OSBPL6: variants seen among roughly 807,000 people sequenced by gnomAD.
OSBPL6 encodes oxysterol binding protein like 6.
Under a neutral mutation model 125.8 loss-of-function variants are expected in OSBPL6, and 49 were observed. That is an observed-to-expected ratio of 0.39 (90% CI 0.31 to 0.49). OSBPL6 has a LOEUF of 0.49. Ranked by LOEUF, OSBPL6 falls within the 20% of genes least tolerant of loss-of-function variation. The pLI, the probability that OSBPL6 is intolerant of heterozygous loss-of-function variation, is 0.88. For synonymous variants in OSBPL6, 394 were observed against 391.8 expected (o/e 1.01, Z -0.07); for missense variants, 986 against 1,135.4 (o/e 0.87, Z 1.89).
At chr2:178,304,538 A>C (rs538505047) in intron 2 of OSBPL6, among the ~76,000 whole-genome samples, 1 of 152,204 alleles carries the variant, frequency 6.6e-6, no homozygotes, top group African/African-American at 2.4e-5. Flanking sequence ...TATGGGAACT[A>C]CAATTCAGGA....
chr2:178,374,068 G>T (rs1559308364), intron 15 of OSBPL6, 41 bp downstream of exon 15: 1 of 1,595,614 alleles, frequency 6.3e-7, no homozygotes, highest in Non-Finnish European at 8.6e-7. Flanking sequence ...AACATCTTGT[G>T]ACTGAGTTTG....
chr2:178,278,830 T>C (rs957255734), intron 1 of OSBPL6, among the ~76,000 whole-genome samples: 1 of 152,194 alleles, frequency 6.6e-6, no homozygotes, highest in Non-Finnish European at 1.5e-5. Context: ...TGATTATCTT[T>C]TCACTAATGA....
rs772218699 is a variant in OSBPL6, at chr2:178,328,317, C to T, written c.257C>T (p.Pro86Leu). The T allele has an allele frequency of 3.7e-6, 6 of 1,613,840 alleles. No individual in the cohort carries two copies. Among genetic ancestry groups the T allele is most frequent in the South Asian group, 1.1e-5 (1 of 91,068 alleles). Residue 86 changes from proline to leucine, a missense_variant, in exon 5 of 25, where the codon CCA becomes CTA. This residue lies in a region of OSBPL6 where 130 missense variants were observed against 106.4 expected (regional missense o/e 1.22). Coordinates refer to ENST00000190611, the MANE Select transcript of OSBPL6 (RefSeq NM_032523.4). ...ATAGGCCAAACCAATGTCCAGAAAC[C>T]AGACAAACATGAGGGCTTTATGCTG... ...LKIGQTNVQK[P>L]DKHEGFMLKK...
intron 3 of OSBPL6, among the ~76,000 whole-genome samples, chr2:178,310,567 G>A (rs567186309): frequency 1.3e-5 from 2 of 151,950 alleles, no homozygotes; most frequent in East Asian, 1.9e-4. Context: ...ACAGGTGCCC[G>A]CCACCGCACC....
At chr2:178,320,017 C>T (rs543963679) in intron 3 of OSBPL6, among the ~76,000 whole-genome samples, 2 of 152,294 alleles carry the variant, frequency 1.3e-5, no homozygotes, top group African/African-American at 2.4e-5. Context: ...TTTGTAGCCT[C>T]AGTCTAAAAC....
rs76441084 is a variant in OSBPL6, at chr2:178,235,973, G to A, written c.-351+41299G>A. The stretch of plus-strand genomic sequence containing the variant: ...TTTACGTTAGATTCAGGAGGTACAT[G>A]TGCAGGCTTGTTACATGGGTTCAAT... On this transcript the variant is annotated intron_variant, in intron 1 of 24. Transcript: ENST00000190611. Among the ~76,000 whole-genome samples the A allele has an allele frequency of 3.5e-3, 529 of 152,286 alleles. 4 individuals carry two copies. The highest frequency in any genetic ancestry group is 7.5e-3 in the South Asian group (36 of 4,826).
intron 1 of OSBPL6, among the ~76,000 whole-genome samples, chr2:178,256,102 G>T (rs888264501): frequency 6.6e-6 from 1 of 152,128 alleles, no homozygotes; most frequent in Non-Finnish European, 1.5e-5. Context: ...TGGTTTCCTG[G>T]GCTGATACAG....
Position 178,361,712 on chromosome 2 carries a change from G to A in OSBPL6, c.1184G>A (p.Ser395Asn). The stretch of plus-strand genomic sequence containing the variant: ...TCTCTTTTGAAGTCTGCATTTAATA[G>A]CATAGCTATAGAGAAGGAGAAGCTG... ...VHSLLKSAFN[S>N]IAIEKEKLKQ... Residue 395 changes from serine to asparagine, a missense_variant, in exon 13 of 25, where the codon AGC becomes AAC. Around this residue, in one of 3 missense-constraint regions of OSBPL6, gnomAD observed 843 missense variants for 997.3 expected, o/e 0.85. Coordinates refer to ENST00000190611, the MANE Select transcript of OSBPL6 (RefSeq NM_032523.4). 1.2e-6 allele frequency: 2 copies of A among 1,614,076 alleles called. No homozygotes were observed. The highest frequency in any genetic ancestry group is 1.7e-6 in the Non-Finnish European group (2 of 1,179,982).
chr2:178,397,000 A>T lies in OSBPL6; in HGVS notation c.*1441A>T, dbSNP rs1282592807. 2.0e-5 allele frequency: 3 copies of T among 152,174 alleles called. No individual in the cohort carries two copies. The highest frequency in any genetic ancestry group is 2.9e-5 in the Non-Finnish European group (2 of 68,036). The allele number at this position is 152,174 out of a possible 1,614,324, so 9.4% of individuals were successfully genotyped here. A position where few individuals can be genotyped will look rare whatever the true frequency, so the allele number is the denominator to read the frequency against. Reference sequence around the variant, plus strand: ...AATTACATATATTTTATTGTTAGTTAGATGTTTATTCTTGGATTCTTACCA... The same window carrying T: ...AATTACATATATTTTATTGTTAGTTTGATGTTTATTCTTGGATTCTTACCA... On this transcript the variant is annotated 3_prime_UTR_variant, in exon 25 of 25. Transcript: ENST00000190611.
intron 13 of OSBPL6, among the ~76,000 whole-genome samples, chr2:178,368,382 A>G (rs1349389281): frequency 6.6e-6 from 1 of 152,102 alleles, no homozygotes; most frequent in Non-Finnish European, 1.5e-5. Flanking sequence ...TTCCTGTGCT[A>G]TGTAACAGCA....
intron 4 of OSBPL6, among the ~76,000 whole-genome samples, chr2:178,325,637 A>G (rs1431015314): frequency 6.6e-6 from 1 of 152,240 alleles, no homozygotes; most frequent in Non-Finnish European, 1.5e-5. Flanking sequence ...GGTAGCTAAA[A>G]TTTATTGAGC....
At chr2:178,320,339 C>T (rs772707088) in intron 3 of OSBPL6, 1 of 1,612,872 alleles carries the variant, frequency 6.2e-7, no homozygotes, top group Non-Finnish European at 8.5e-7. Flanking sequence ...AATATGTGTT[C>T]CAGGTTCCTG....
chr2:178,391,883 T>TA (rs1313527178), intron 22 of OSBPL6, among the ~76,000 whole-genome samples: 1 of 152,230 alleles, frequency 6.6e-6, no homozygotes, highest in African/African-American at 2.4e-5. Flanking sequence ...GTGGCTAGCT[T>TA]ATTCATTCCG....
At chr2:178,270,493 C>A (rs1205805488) in intron 1 of OSBPL6, among the ~76,000 whole-genome samples, 1 of 152,194 alleles carries the variant, frequency 6.6e-6, no homozygotes, top group Non-Finnish European at 1.5e-5. Flanking sequence ...ATACCTTTCC[C>A]AGCGTCACGC....
At chr2:178,296,756 G>A (rs1685791656) in intron 2 of OSBPL6, among the ~76,000 whole-genome samples, 1 of 152,084 alleles carries the variant, frequency 6.6e-6, no homozygotes, top group South Asian at 2.1e-4. Context: ...AATTAAATGA[G>A]TTCACAAGGC....
intron 1 of OSBPL6, among the ~76,000 whole-genome samples, chr2:178,200,661 G>A (rs1424559926): frequency 6.6e-6 from 1 of 152,136 alleles, no homozygotes; most frequent in Non-Finnish European, 1.5e-5. Context: ...TATTTTTGAG[G>A]ATGGTGATGG....
rs921394694 is a variant in OSBPL6, at chr2:178,402,844, G to A, written c.*7285G>A. ...TTCAATGAATGTTGTATATGAGAATGTTACATTTGTAACAGCACAGGAAAC... is the reference window on the plus strand; with the variant it reads ...TTCAATGAATGTTGTATATGAGAATATTACATTTGTAACAGCACAGGAAAC... On this transcript the variant is annotated 3_prime_UTR_variant, in exon 25 of 25. Transcript: ENST00000190611. 7 of 152,124 alleles carry A rather than the reference G, an allele frequency of 4.6e-5. No homozygotes were observed. The highest frequency in any genetic ancestry group is 1.7e-4 in the African/African-American group (7 of 41,414). The allele number at this position is 152,124 out of a possible 1,614,324, so 9.4% of individuals were successfully genotyped here. A position where few individuals can be genotyped will look rare whatever the true frequency, so the allele number is the denominator to read the frequency against.
intron 1 of OSBPL6, among the ~76,000 whole-genome samples, chr2:178,209,370 T>C (rs1278814005): frequency 1.3e-5 from 2 of 151,962 alleles, no homozygotes; most frequent in Non-Finnish European, 2.9e-5. Flanking sequence ...TTTTCTGGGT[T>C]TTCAAAGAGG....
intron 12 of OSBPL6, among the ~76,000 whole-genome samples, chr2:178,353,306 A>G (rs2154092334): frequency 6.6e-6 from 1 of 152,348 alleles, no homozygotes; most frequent in Middle Eastern, 3.4e-3. Context: ...TCCGAGTTAA[A>G]GGAGCATGTT....
Sources: gnomAD v4.1 joint callset for allele counts (sites outside exome capture counted in the v4.1 genomes callset) on GRCh38, gnomAD v4.1.1 for gene constraint, gnomAD v4.1.1 regional missense constraint, MANE v1.5 for transcripts, NCBI Gene and HGNC (gene_info 2026-07-23, HGNC 2026-07-21) for gene names.